CPNE5: variants seen among roughly 807,000 people sequenced by gnomAD.
CPNE5 encodes the protein copine-5.
In CPNE5, 42 loss-of-function variants were observed where a neutral mutation model predicts 81.1. That is an observed-to-expected ratio of 0.52 (90% CI 0.40 to 0.67). CPNE5 has a LOEUF of 0.67. CPNE5 is among the 30% of genes least tolerant of loss of function. The pLI, the probability that CPNE5 is intolerant of heterozygous loss-of-function variation, is 0.00. For missense variants in CPNE5, 612 were observed against 815.5 expected (o/e 0.75, Z 3.04); for synonymous variants, 313 against 321.5 (o/e 0.97, Z 0.28).
intron 8 of CPNE5, among the ~76,000 whole-genome samples, chr6:36,782,791 T>G (rs1768144575): frequency 6.7e-6 from 1 of 149,492 alleles, no homozygotes; most frequent in Non-Finnish European, 1.5e-5. Flanking sequence ...CGAGACTCTG[T>G]CTCAAATAAT....
chr6:36,837,999 C>A (rs1773673594), intron 1 of CPNE5, among the ~76,000 whole-genome samples: 1 of 152,010 alleles, frequency 6.6e-6, no homozygotes, highest in South Asian at 2.1e-4. Flanking sequence ...GTGTATGGGA[C>A]CTGGGAGCTA....
At position 36,798,182 on chromosome 6, in the gene CPNE5, G is replaced by A. The variant is rs1274958767; in HGVS notation, c.387C>T (p.Arg129=). 1 of 1,613,800 alleles carries A rather than the reference G, an allele frequency of 6.2e-7. No homozygotes were observed. The highest frequency in any genetic ancestry group is 8.5e-7 in the Non-Finnish European group (1 of 1,179,894). Reference sequence around the variant, plus strand: ...ACACTCACGTGAGGGGCTTTTCCAGGCGGCTCCCAGGGGACCCCACAATCT... The same window carrying A: ...ACACTCACGTGAGGGGCTTTTCCAGACGGCTCCCAGGGGACCCCACAATCT... ...LGEIVGSPGS[R]LEKPLTIGAF... The change falls in exon 6 of 21, where the codon CGC becomes CGT. Residue 129 remains arginine, a synonymous_variant. Transcript: ENST00000244751.
chr6:36,755,783 A>G, intron 13 of CPNE5: 1 of 164,100 alleles, frequency 6.1e-6, no homozygotes, highest in Non-Finnish European at 1.3e-5. Flanking sequence ...CTGGAGTGAG[A>G]TGTCATGTTG....
intron 8 of CPNE5, among the ~76,000 whole-genome samples, chr6:36,780,337 GAGA>G (rs1177165279): frequency 6.6e-6 from 1 of 152,174 alleles, no homozygotes; most frequent in African/African-American, 2.4e-5. Context: ...AACGGTGGCA[GAGA>G]AGAAGACGTA....
intron 10 of CPNE5, among the ~76,000 whole-genome samples, chr6:36,765,767 C>T (rs1407108459): frequency 2.6e-5 from 4 of 151,958 alleles, no homozygotes; most frequent in South Asian, 2.1e-4. Flanking sequence ...TCTCAGGCCC[C>T]GGCAGGGTGG....
At position 36,791,934 on chromosome 6, in the gene CPNE5, T is replaced by C. The variant is rs538757574; in HGVS notation, c.528+99A>G. The C allele has an allele frequency of 2.2e-5, 23 of 1,036,188 alleles. No individual in the cohort carries two copies. In the East Asian group the frequency reaches 5.3e-4, roughly 24 times the overall value. The allele number at this position is 1,036,188 out of a possible 1,614,324, so 64.2% of individuals were successfully genotyped here. A position where few individuals can be genotyped will look rare whatever the true frequency, so the allele number is the denominator to read the frequency against. On this transcript the variant is annotated intron_variant, in intron 8 of 20. Transcript: ENST00000244751. The stretch of plus-strand genomic sequence containing the variant: ...ACAGCCAGGTCAGCATCAGGAGCCC[T>C]GTCTACCCTCGGTTCCCTCCAGGGG...
At chr6:36,810,189 C>CA (rs949017173) in intron 3 of CPNE5, among the ~76,000 whole-genome samples, 2 of 152,034 alleles carry the variant, frequency 1.3e-5, no homozygotes, top group African/African-American at 4.8e-5. Context: ...TGGATTTAGG[C>CA]AGCTCTTGCC....
At chr6:36,811,214 C>G (rs1771074475) in intron 3 of CPNE5, among the ~76,000 whole-genome samples, 1 of 152,064 alleles carries the variant, frequency 6.6e-6, no homozygotes, top group African/African-American at 2.4e-5. Context: ...CTGAGCAGTC[C>G]CCACCCTAAA....
At chr6:36,789,700 A>G (rs1768916795) in intron 8 of CPNE5, among the ~76,000 whole-genome samples, 1 of 152,168 alleles carries the variant, frequency 6.6e-6, no homozygotes, top group Admixed American at 6.5e-5. Context: ...AGTGGCATCC[A>G]GATCCTCAGC....
At chr6:36,776,403 G>A (rs1222998806) in intron 9 of CPNE5, among the ~76,000 whole-genome samples, 1 of 152,182 alleles carries the variant, frequency 6.6e-6, no homozygotes, top group Non-Finnish European at 1.5e-5. Context: ...GATGCATGTG[G>A]GAGACCTCCC....
intron 20 of CPNE5, chr6:36,743,172 AG>A (rs1400929943): frequency 1.0e-6 from 1 of 985,306 alleles, no homozygotes. Context: ...CCTCCTCTGC[AG>A]GGGATGAGTG....
At chr6:36,800,148 T>C in intron 3 of CPNE5, 78 bp from the exon 4 acceptor site, 1 of 954,614 alleles carries the variant, frequency 1.0e-6, no homozygotes, top group South Asian at 1.5e-5. Context: ...AGCACTGGGC[T>C]CAGAGCCCCT....
chr6:36,804,823 G>A (rs1467714598), intron 3 of CPNE5, among the ~76,000 whole-genome samples: 2 of 152,206 alleles, frequency 1.3e-5, no homozygotes, highest in South Asian at 4.2e-4. Flanking sequence ...ACACGGAGGG[G>A]AACTCCAAGC....
intron 3 of CPNE5, among the ~76,000 whole-genome samples, chr6:36,803,588 G>A (rs1770322945): frequency 6.6e-6 from 1 of 152,166 alleles, no homozygotes; most frequent in African/African-American, 2.4e-5. Context: ...AACATTTTGT[G>A]CCGTATGGAT....
chr6:36,834,402 TC>T (rs1277663602), intron 1 of CPNE5, among the ~76,000 whole-genome samples: 1 of 150,620 alleles, frequency 6.6e-6, no homozygotes. Context: ...ATGCCTGCAA[TC>T]CCGGCAATTT....
At position 36,765,646 on chromosome 6, in the gene CPNE5, C is replaced by T. The variant is rs188009429; in HGVS notation, c.738-270G>A. 9.7e-4 allele frequency among the ~76,000 whole-genome samples: 148 copies of T among 152,366 alleles called. 2 individuals carry two copies. The highest frequency in any genetic ancestry group is 5.6e-3 in the South Asian group (27 of 4,832). On this transcript the variant is annotated intron_variant, in intron 10 of 20. Transcript: ENST00000244751. ...AAAAACAGCTGCAGACTTCAGTTCA[C>T]CCCACCTTCTTCTTGGCCACTGCAG...
Position 36,746,324 on chromosome 6 carries a change from T to TGCCC in CPNE5, c.1200+71_1200+72insGGGC. On this transcript the variant is annotated intron_variant, in intron 16 of 20. Transcript: ENST00000244751. The surrounding 1 kb of genome is among the most constrained non-coding windows in gnomAD (Gnocchi z 4.5). Reference sequence around the variant, plus strand: ...CCCCGGGCTCAGAGGAAGGGAAACGTCCCCCCACCCCCAGCTTGTCACCTC... The same window carrying TGCCC: ...CCCCGGGCTCAGAGGAAGGGAAACGTGCCCCCCCCCACCCCCAGCTTGTCACCTC... 3 of 1,386,256 alleles carry TGCCC rather than the reference T, an allele frequency of 2.2e-6. No individual in the cohort carries two copies. Among genetic ancestry groups the TGCCC allele is most frequent in the Non-Finnish European group, 1.9e-6 (2 of 1,048,184 alleles). The allele number at this position is 1,386,256 out of a possible 1,614,324, so 85.9% of individuals were successfully genotyped here. A position where few individuals can be genotyped will look rare whatever the true frequency, so the allele number is the denominator to read the frequency against.
chr6:36,833,445 A>G (rs1285246853), intron 1 of CPNE5, among the ~76,000 whole-genome samples: 1 of 152,328 alleles, frequency 6.6e-6, no homozygotes, highest in South Asian at 2.1e-4. Flanking sequence ...CGATTGGGTT[A>G]TGATGTATAA....
rs1323859798 is a variant in CPNE5, at chr6:36,744,304, T to G, written c.1453A>C (p.Ile485Leu). Reference protein sequence around the residue: ...IVNAAKLPMSIIIVGVGQAEF... With the variant: ...IVNAAKLPMSLIIVGVGQAEF... ...GCCTGGCCCACGCCGACGATAATGA[T>G]GGACATGGGGAGCTTGGCAGCCTGG... is the stretch of plus-strand genomic sequence containing the variant. Residue 485 changes from isoleucine (I) to leucine (L), a missense_variant, in exon 19 of 21, where the codon ATC (isoleucine) becomes CTC (leucine). Transcript: ENST00000244751. 2 of 1,584,202 alleles carry G rather than the reference T, an allele frequency of 1.3e-6. No individual in the cohort carries two copies. Among genetic ancestry groups the G allele is most frequent in the Admixed American group, 3.7e-5 (2 of 53,796 alleles).
Sources: allele counts gnomAD v4.1 joint callset (sites outside exome capture counted in the v4.1 genomes callset), GRCh38; gene constraint gnomAD v4.1.1; non-coding constraint Gnocchi (gnomAD v3.1); transcripts MANE v1.5; gene names NCBI Gene and HGNC (gene_info 2026-07-23, HGNC 2026-07-21).